The following ABCD2 variants were observed in gnomAD, a reference collection of about 807,000 sequenced individuals.
ABCD2 encodes the protein ATP binding cassette subfamily D member 2, also known as ATP-binding cassette sub-family D member 2.
ABCD2 carries 36 observed loss-of-function variants against 70.9 expected under a neutral mutation model. That is an observed-to-expected ratio of 0.51 (90% CI 0.39 to 0.67). The LOEUF is 0.67. Among genes scored for constraint, ABCD2 ranks in the 30% least tolerant of loss-of-function variants. ABCD2 has a pLI of 0.00. For synonymous variants in ABCD2, 304 were observed against 306.9 expected (o/e 0.99, Z 0.10); for missense variants, 729 against 890.2 (o/e 0.82, Z 2.30).
intron 6 of ABCD2, among the ~76,000 whole-genome samples, chr12:39,589,016 T>C (rs1215937282): frequency 6.6e-6 from 1 of 152,208 alleles, no homozygotes; most frequent in African/African-American, 2.4e-5. Context: ...ATAAGTATAC[T>C]GTAGTTACCT....
At chr12:39,581,252 T>A (rs1832799245) in intron 7 of ABCD2, among the ~76,000 whole-genome samples, 1 of 152,134 alleles carries the variant, frequency 6.6e-6, no homozygotes, top group Non-Finnish European at 1.5e-5. Flanking sequence ...TGTGAAAGTG[T>A]TACTCCAAAA....
At chr12:39,584,061 G>A (rs1207121145) in intron 7 of ABCD2, among the ~76,000 whole-genome samples, 1 of 152,184 alleles carries the variant, frequency 6.6e-6, no homozygotes, top group Non-Finnish European at 1.5e-5. Flanking sequence ...ATTGTTGGGT[G>A]AAATGGTAGT....
At chr12:39,589,459 G>A (rs1044316570) in intron 6 of ABCD2, among the ~76,000 whole-genome samples, 1 of 149,024 alleles carries the variant, frequency 6.7e-6, no homozygotes, top group Non-Finnish European at 1.5e-5. Context: ...CCATCTCGGT[G>A]GCTCACTGCA....
Position 39,619,633 on chromosome 12 carries a change from C to T in ABCD2, c.-18G>A. ...TGTGTCATTTTCCCAGTTACCCAAA[C>T]CGGCTTCCAAAAGAATTCGTTTTAA... On this transcript the variant is annotated 5_prime_UTR_variant, in exon 1 of 10. Coordinates refer to ENST00000308666, the MANE Select transcript of ABCD2 (RefSeq NM_005164.4). The T allele has an allele frequency of 6.3e-7, 1 of 1,588,670 alleles. No individual in the cohort carries two copies. The highest frequency in any genetic ancestry group is 1.1e-5 in the South Asian group (1 of 89,010).
At chr12:39,548,256 G>A (rs563448520), downstream of ABCD2, among the ~76,000 whole-genome samples, 1 of 152,164 alleles carries the variant, frequency 6.6e-6, no homozygotes, top group South Asian at 2.1e-4. Flanking sequence ...ATTTAAGGTA[G>A]GCGAGACTAA....
intron 4 of ABCD2, 145 bp downstream of exon 4, chr12:39,604,617 T>C (rs1941945787): frequency 1.8e-6 from 1 of 556,228 alleles, no homozygotes; most frequent in African/African-American, 1.9e-5. Flanking sequence ...CAAATTGCAA[T>C]ACTAATATTA....
intron 6 of ABCD2, among the ~76,000 whole-genome samples, chr12:39,596,970 G>T (rs1169818201): frequency 6.6e-6 from 1 of 151,898 alleles, no homozygotes; most frequent in Non-Finnish European, 1.5e-5. Flanking sequence ...CTATGCATTG[G>T]TTTTTTGTTT....
chr12:39,604,565 G>A (rs1193217108), intron 4 of ABCD2, among the ~76,000 whole-genome samples, 197 bp downstream of exon 4: 2 of 151,938 alleles, frequency 1.3e-5, no homozygotes, highest in East Asian at 3.8e-4. Flanking sequence ...AATAAAAGTA[G>A]CATAACACTG....
chr12:39,582,200 T>C (rs1555218264), intron 7 of ABCD2, among the ~76,000 whole-genome samples: 1 of 152,192 alleles, frequency 6.6e-6, no homozygotes, highest in Non-Finnish European at 1.5e-5. Flanking sequence ...TTTTTATTAT[T>C]GTTTAAAAAG....
intron 2 of ABCD2, among the ~76,000 whole-genome samples, chr12:39,615,306 A>G (rs1291443770): frequency 6.6e-6 from 1 of 151,956 alleles, no homozygotes; most frequent in African/African-American, 2.4e-5. Context: ...AAACTTTTTA[A>G]ATGAGTATCG....
chr12:39,599,150 A>C (rs1941861427), intron 6 of ABCD2, among the ~76,000 whole-genome samples: 1 of 152,228 alleles, frequency 6.6e-6, no homozygotes, highest in South Asian at 2.1e-4. Context: ...AAAGTAACAT[A>C]GTCAAGTATC....
At chr12:39,580,317 T>C (rs1337530570) in intron 7 of ABCD2, among the ~76,000 whole-genome samples, 4 of 152,222 alleles carry the variant, frequency 2.6e-5, no homozygotes. Flanking sequence ...TTTTATAGTT[T>C]TTCCATGCAT....
At chr12:39,593,597 G>A (rs903330623) in intron 6 of ABCD2, among the ~76,000 whole-genome samples, 1 of 152,116 alleles carries the variant, frequency 6.6e-6, no homozygotes, top group African/African-American at 2.4e-5. Flanking sequence ...TTTGGTGCAA[G>A]TACTTCTTAG....
At position 39,553,221 on chromosome 12, in the gene ABCD2, TTC is replaced by T. The variant is rs1941113017; in HGVS notation, c.*689_*690del. On this transcript the variant is annotated 3_prime_UTR_variant, in exon 10 of 10. Coordinates refer to ENST00000308666, the MANE Select transcript of ABCD2 (RefSeq NM_005164.4). ...GGATACTCCTTTTCTGTATTGGCAA[TTC>T]TCTTTTTAAAATGAAAGGATTTATT... 1 of 152,032 alleles carries T rather than the reference TTC, an allele frequency of 6.6e-6. No homozygotes were observed. Among genetic ancestry groups the T allele is most frequent in the Non-Finnish European group, 1.5e-5 (1 of 67,886 alleles). 9.4% of individuals were successfully genotyped at this position (152,032 alleles called of 1,614,324 possible). A position where few individuals can be genotyped will look rare whatever the true frequency, so the allele number is the denominator to read the frequency against.
intron 2 of ABCD2, among the ~76,000 whole-genome samples, chr12:39,614,211 A>G (rs1351253126): frequency 6.6e-6 from 1 of 152,238 alleles, no homozygotes; most frequent in Non-Finnish European, 1.5e-5. Flanking sequence ...CATATGATCC[A>G]GAATATCTGA....
At chr12:39,545,674 A>G (rs974624020), downstream of ABCD2, among the ~76,000 whole-genome samples, 3 of 152,160 alleles carry the variant, frequency 2.0e-5, no homozygotes, top group Admixed American at 6.5e-5. Flanking sequence ...CATTGTTGTG[A>G]TCAGGTCTTG....
At chr12:39,533,125 A>C in the ABCD2 span, among the ~76,000 whole-genome samples, 1 of 151,952 alleles carries the variant, frequency 6.6e-6, no homozygotes, top group East Asian at 1.9e-4. Flanking sequence ...AGATCGTGTC[A>C]TTGCACTCCA....
intron 3 of ABCD2, among the ~76,000 whole-genome samples, chr12:39,607,254 C>A (rs556835295): frequency 6.6e-6 from 1 of 152,226 alleles, no homozygotes; most frequent in South Asian, 2.1e-4. Flanking sequence ...GAGACACAGA[C>A]GCTGTAGCGA....
chr12:39,578,518 C>T (rs1005609297), intron 8 of ABCD2, among the ~76,000 whole-genome samples: 1 of 150,890 alleles, frequency 6.6e-6, no homozygotes, highest in Non-Finnish European at 1.5e-5. Context: ...TTCTGACAAC[C>T]TTCTGTGCTG....
Sources: allele counts gnomAD v4.1 joint callset (sites outside exome capture counted in the v4.1 genomes callset), GRCh38; gene constraint gnomAD v4.1.1; transcripts MANE v1.5; gene names NCBI Gene and HGNC (gene_info 2026-07-23, HGNC 2026-07-21).